The following TEX264 variants were observed in gnomAD, a reference collection of about 807,000 sequenced individuals.
TEX264 encodes testis expressed 264, ER-phagy receptor.
In TEX264, 13 loss-of-function variants were observed where a neutral mutation model predicts 23.4. The observed-to-expected ratio is 0.56, with a 90% CI of 0.36 to 0.88. The LOEUF is 0.88. Ranked by LOEUF, TEX264 falls within the 40% of genes least tolerant of loss-of-function variation. The probability of loss-of-function intolerance (pLI) is 0.01; values close to 1 mark genes in which losing one functional copy is unlikely to be tolerated. For synonymous variants in TEX264, 159 were observed against 170.0 expected, an observed-to-expected ratio of 0.94 and a Z score of 0.50; for missense variants, 340 against 406.8, an observed-to-expected ratio of 0.84 and a Z score of 1.41.
intron 2 of TEX264, among the ~76,000 whole-genome samples, chr3:51,679,690 A>C (rs1414860816): frequency 1.3e-5 from 2 of 152,162 alleles, no homozygotes; most frequent in Non-Finnish European, 2.9e-5. Flanking sequence ...GAGTCTGGGG[A>C]AAGTGGTGAG....
intron 3 of TEX264, among the ~76,000 whole-genome samples, chr3:51,698,738 C>G (rs1440408067): frequency 6.6e-6 from 1 of 152,170 alleles, no homozygotes; most frequent in East Asian, 1.9e-4. Flanking sequence ...CAGCTAAAAC[C>G]TGAGTTTACA....
chr3:51,676,131 C>T (rs1302498186), intron 2 of TEX264, among the ~76,000 whole-genome samples: 1 of 152,132 alleles, frequency 6.6e-6, no homozygotes, highest in Non-Finnish European at 1.5e-5. Context: ...TGGGGAGCTC[C>T]TAGAGCAGAT....
chr3:51,684,557 A>G lies in TEX264; in HGVS notation c.403A>G (p.Thr135Ala), dbSNP rs138150641. Residue 135 changes from threonine to alanine, a missense_variant, in exon 3 of 5, where the codon ACC becomes GCC. Physicochemically the swap from Thr to Ala is moderately conservative, Grantham distance 58. Transcript: ENST00000341333. ...FPAPSHVVTA[T>A]FPYTTILSIW... ...GGCACCCAGCCATGTGGTGACAGCC[A>G]CCTTCCCCTACACCACCATTCTGTC... The G allele has an allele frequency of 1.2e-6, 2 of 1,613,814 alleles. No individual in the cohort carries two copies. The highest frequency in any genetic ancestry group is 2.2e-5 in the East Asian group (1 of 44,842).
At chr3:51,684,305 C>A in intron 2 of TEX264, 108 bp from the exon 3 acceptor site, 2 of 992,060 alleles carry the variant, frequency 2.0e-6, no homozygotes, top group Non-Finnish European at 3.0e-6. Flanking sequence ...CATGGCTTGT[C>A]AGAGCTGCTG....
In TEX264 at chr3:51,703,814, C is replaced by T. The variant is rs1280674115; in HGVS notation, c.740C>T (p.Ala247Val). Reference sequence around the variant, plus strand: ...TCAGCTGCCACACTGTCACCTGGGGCGAGCAGCCGTGGCTGGGATGACGGT... The same window carrying T: ...TCAGCTGCCACACTGTCACCTGGGGTGAGCAGCCGTGGCTGGGATGACGGT... ...ETSAATLSPGASSRGWDDGDT... is the reference protein window; with the variant it reads ...ETSAATLSPGVSSRGWDDGDT... The change falls in exon 5 of 5, where the codon GCG (alanine) becomes GTG (valine). Residue 247 changes from alanine (A) to valine (V), a missense_variant. Coordinates refer to ENST00000341333, the MANE Select transcript of TEX264 (RefSeq NM_015926.6). This position sits in a 1 kb window ranked among gnomAD's most constrained non-coding sequence, Gnocchi z 4.8. 4.3e-6 allele frequency: 7 copies of T among 1,612,092 alleles called. No individual in the cohort carries two copies. The highest frequency in any genetic ancestry group is 4.0e-5 in the African/African-American group (3 of 74,896).
intron 3 of TEX264, among the ~76,000 whole-genome samples, chr3:51,685,990 G>T (rs1702606998): frequency 6.6e-6 from 1 of 152,204 alleles, no homozygotes; most frequent in African/African-American, 2.4e-5. Context: ...CAAGTATGTA[G>T]TGATGCTTTC....
chr3:51,702,570 C>T (rs1331455168), intron 4 of TEX264, among the ~76,000 whole-genome samples: 3 of 152,192 alleles, frequency 2.0e-5, no homozygotes, highest in African/African-American at 4.8e-5. Flanking sequence ...GCCAAGCAGA[C>T]CCCAGCTGCA....
In TEX264 at chr3:51,671,273, G is replaced by A. The variant is rs2106878970; in HGVS notation, c.-50G>A. 1 of 152,294 alleles carries A rather than the reference G, an allele frequency of 6.6e-6. No homozygotes were observed. Among genetic ancestry groups the A allele is most frequent in the African/African-American group, 2.4e-5 (1 of 41,576 alleles). The allele number at this position is 152,294 out of a possible 1,614,324, so 9.4% of individuals were successfully genotyped here. A position where few individuals can be genotyped will look rare whatever the true frequency, so the allele number is the denominator to read the frequency against. ...CCGCCTGCGCGGATCGGCGTCCGCA[G>A]CGGGCGGCTGCTGAGGTGAGGGCCG... is the stretch of plus-strand genomic sequence containing the variant. On this transcript the variant is annotated 5_prime_UTR_variant, in exon 1 of 5. Coordinates refer to ENST00000341333, the MANE Select transcript of TEX264 (RefSeq NM_015926.6).
intron 1 of TEX264, among the ~76,000 whole-genome samples, chr3:51,673,776 G>A (rs529028725): frequency 2.2e-4 from 33 of 152,244 alleles, no homozygotes; most frequent in South Asian, 1.7e-3. Context: ...TTTCCCTGTC[G>A]TTAGTAAGTG....
chr3:51,703,122 C>G lies in TEX264; in HGVS notation c.650-602C>G, dbSNP rs554401010. On this transcript the variant is annotated intron_variant, in intron 4 of 4. Coordinates refer to ENST00000341333, the MANE Select transcript of TEX264 (RefSeq NM_015926.6). This position sits in a 1 kb window ranked among gnomAD's most constrained non-coding sequence, Gnocchi z 4.8. ...TTTCTCAGGCCTTCTCCATCCTCCT[C>G]GTACTTCAGCTCCCTCCTCAACTGG... 1.2e-4 allele frequency among the ~76,000 whole-genome samples: 19 copies of G among 152,338 alleles called. No homozygotes were observed. The highest frequency in any genetic ancestry group is 9.6e-4 in the East Asian group (5 of 5,184).
intron 2 of TEX264, among the ~76,000 whole-genome samples, chr3:51,676,063 G>T (rs1209291167): frequency 2.6e-5 from 4 of 152,206 alleles, no homozygotes; most frequent in Admixed American, 2.6e-4. Flanking sequence ...CCAGGAGATG[G>T]CACTAACTGA....
intron 1 of TEX264, among the ~76,000 whole-genome samples, chr3:51,672,984 G>GGCA (rs1702102597): frequency 6.6e-6 from 1 of 152,092 alleles, no homozygotes; most frequent in Non-Finnish European, 1.5e-5. Context: ...GAGACTAGTG[G>GGCA]GCAACACCTC....
In TEX264 at chr3:51,686,153, G is replaced by A. The variant is rs1384650764; in HGVS notation, c.480+1519G>A. Among the ~76,000 whole-genome samples the A allele has an allele frequency of 6.6e-6, 1 of 152,176 alleles. No homozygotes were observed. The highest frequency in any genetic ancestry group is 2.1e-4 in the South Asian group (1 of 4,836). ...CTGGAGTTGAGGAAAGGCTGGGCTG[G>A]TGGATATATTTGGGGACATCAGCCT... On this transcript the variant is annotated intron_variant, in intron 3 of 4. Coordinates refer to ENST00000341333, the MANE Select transcript of TEX264 (RefSeq NM_015926.6). The surrounding 1 kb of genome is among the most constrained non-coding windows in gnomAD (Gnocchi z 4.1).
intron 3 of TEX264, among the ~76,000 whole-genome samples, chr3:51,695,901 G>C (rs149628825): frequency 2.2e-3 from 342 of 152,248 alleles, no homozygotes; most frequent in Non-Finnish European, 3.3e-3. Flanking sequence ...CTGCATCATG[G>C]GTGGTGTCCC....
At chr3:51,694,970 A>G (rs1026579300) in intron 3 of TEX264, among the ~76,000 whole-genome samples, 1 of 152,198 alleles carries the variant, frequency 6.6e-6, no homozygotes, top group African/African-American at 2.4e-5. Context: ...GCCTCTTGCT[A>G]TACCTCCCCA....
intron 1 of TEX264, chr3:51,672,359 C>T (rs1044797157): frequency 6.6e-6 from 1 of 152,238 alleles, no homozygotes; most frequent in Non-Finnish European, 1.5e-5. Flanking sequence ...CACGTTACCT[C>T]TCCACGTGCC....
chr3:51,694,085 GTCCTTCCT>G (rs60670569), intron 3 of TEX264, among the ~76,000 whole-genome samples: 13,219 of 85,156 alleles, frequency 0.16, 1,131 homozygotes, highest in African/African-American at 0.2. Flanking sequence ...CCTTCCGTCC[GTCCTTCCT>G]TCCTTCCTTC....
In TEX264 at chr3:51,674,444, C is replaced by T. The variant is rs761751528; in HGVS notation, c.140C>T (p.Thr47Ile). ...GGGTCACCCCCCATCCGCAACGTCA[C>T]TGTGGCCTACAAGTTCCACATGGGG... ...SAGSPPIRNV[T>I]VAYKFHMGLY... The change falls in exon 2 of 5, where the codon ACT becomes ATT. Residue 47 changes from threonine to isoleucine, a missense_variant. Coordinates refer to ENST00000341333, the MANE Select transcript of TEX264 (RefSeq NM_015926.6). 1.2e-6 allele frequency: 2 copies of T among 1,614,236 alleles called. No individual in the cohort carries two copies. The highest frequency in any genetic ancestry group is 2.2e-5 in the South Asian group (2 of 91,088).
chr3:51,697,009 G>C (rs928863113), intron 3 of TEX264, among the ~76,000 whole-genome samples: 6 of 152,216 alleles, frequency 3.9e-5, no homozygotes, highest in Admixed American at 1.3e-4. Flanking sequence ...GGGCAGAGAA[G>C]GAAGGGCTGT....
Sources: allele counts gnomAD v4.1 joint callset (sites outside exome capture counted in the v4.1 genomes callset), GRCh38; gene constraint gnomAD v4.1.1; non-coding constraint Gnocchi (gnomAD v3.1); transcripts MANE v1.5; gene names NCBI Gene and HGNC (gene_info 2026-07-23, HGNC 2026-07-21).